The following PAX6 variants were observed in gnomAD, a reference collection of about 807,000 sequenced individuals.
The protein encoded by PAX6 is paired box protein Pax-6.
In PAX6, 7 loss-of-function variants were observed where a neutral mutation model predicts 60.7. The ratio of observed to expected loss-of-function variants is 0.12; its 90% CI spans 0.07 to 0.22. PAX6 has a LOEUF of 0.22. Among genes scored for constraint, PAX6 ranks in the 10% least tolerant of loss-of-function variants. The pLI is 1.00. For synonymous variants in PAX6, 208 were observed against 201.2 expected (o/e 1.03, Z -0.29); for missense variants, 355 against 555.2 (o/e 0.64, Z 3.62).
chr11:31,801,677 G>A lies in PAX6; in HGVS notation c.283C>T (p.Pro95Ser). ...IGGSKPRVAT[P>S]EVVSKIAQYK... is the part of the protein sequence containing the mutation. ...TGGGCTATTTTGCTTACAACTTCTG[G>A]AGTCGCTACTCTCGGTTTACTACCA... Residue 95 changes from proline to serine, a missense_variant, in exon 7 of 14, where the codon CCA (proline) becomes TCA (serine). This residue lies in a region of PAX6 where 143 missense variants were observed against 183.6 expected (regional missense o/e 0.78). Transcript: ENST00000640368. The A allele has an allele frequency of 1.2e-6, 2 of 1,614,142 alleles. No individual in the cohort carries two copies. The highest frequency in any genetic ancestry group is 1.6e-4 in the Middle Eastern group (1 of 6,062).
chr11:31,790,424 C>A, intron 13 of PAX6: 1 of 1,316,634 alleles, frequency 7.6e-7, no homozygotes, highest in Non-Finnish European at 9.7e-7. Flanking sequence ...GGGCCCCCTA[C>A]TGAGCTTCGT....
chr11:31,816,496 T>C (rs1374596228), intron 1 of PAX6: 1 of 701,776 alleles, frequency 1.4e-6, no homozygotes, highest in Non-Finnish European at 2.6e-6. Context: ...CCAATAAACA[T>C]CTCTAATGAG....
chr11:31,810,289 G>C (rs1281126567), intron 2 of PAX6: 1 of 152,264 alleles, frequency 6.6e-6, no homozygotes, highest in African/African-American at 2.4e-5. Context: ...CAAAGCCCGA[G>C]GGCCGGCGGG....
intron 2 of PAX6, chr11:31,810,108 A>T (rs1311627146): frequency 6.6e-6 from 1 of 152,152 alleles, no homozygotes; most frequent in Non-Finnish European, 1.5e-5. Context: ...CGCGCGTTCC[A>T]CCGCCTTGGC....
chr11:31,797,254 A>G (rs1024806807), intron 8 of PAX6, among the ~76,000 whole-genome samples: 3 of 152,118 alleles, frequency 2.0e-5, no homozygotes, highest in African/African-American at 4.8e-5. Context: ...GATCTCGCCA[A>G]TTAAACAAAG....
rs1451434512 is a variant in PAX6 at position 31,802,671 on chromosome 11, GGGCGGCGAGTGGGGC to G, written c.141+18_141+32del. The G allele has an allele frequency of 3.7e-6, 6 of 1,600,752 alleles. No homozygotes were observed. The East Asian group carries it at 1.1e-4, about 30-fold the overall frequency. On this transcript the variant is annotated intron_variant, in intron 5 of 13. Coordinates refer to ENST00000640368, the MANE Select transcript of PAX6 (RefSeq NM_001368894.2). Reference sequence around the variant, plus strand: ...GGGCGTTGAGAGTGGAGGGCCGCGGGGGCGGCGAGTGGGGCGGCGCCGGGAGGATCACCTGCAGAA... The same window carrying G: ...GGGCGTTGAGAGTGGAGGGCCGCGGGGGCGCCGGGAGGATCACCTGCAGAA...
upstream of PAX6, among the ~76,000 whole-genome samples, chr11:31,816,053 C>G (rs1417994952): frequency 6.6e-6 from 1 of 152,208 alleles, no homozygotes. Context: ...TGGCAGCCCT[C>G]GTTCCCGGCC....
intron 1 of PAX6, chr11:31,817,768 C>CG: frequency 6.6e-6 from 1 of 152,284 alleles, no homozygotes; most frequent in East Asian, 1.9e-4. Flanking sequence ...AGAGGCCCCG[C>CG]GGGCCCCGAG....
rs759391101 is a variant in PAX6, at chr11:31,789,912, C to CTTTTTTT, written c.*15_*21dup. ...CTGAATTAACACAATATTTCCTTTCCTTTTTTTTTTTTTTTTTTTTTTTAC... is the reference window on the plus strand; with the variant it reads ...CTGAATTAACACAATATTTCCTTTCCTTTTTTTTTTTTTTTTTTTTTTTTTTTTTTAC... On this transcript the variant is annotated 3_prime_UTR_variant, in exon 14 of 14. Coordinates refer to ENST00000640368, the MANE Select transcript of PAX6 (RefSeq NM_001368894.2). 3.6e-4 allele frequency: 376 copies of CTTTTTTT among 1,046,004 alleles called. 1 individual carries two copies. Among genetic ancestry groups the CTTTTTTT allele is most frequent in the East Asian group, 1.3e-3 (49 of 38,784 alleles). 64.8% of individuals were successfully genotyped at this position (1,046,004 alleles called of 1,614,324 possible).
intron 7 of PAX6, 92 bp downstream of exon 7, chr11:31,801,469 T>G: frequency 6.2e-7 from 1 of 1,601,840 alleles, no homozygotes; most frequent in Non-Finnish European, 8.5e-7. Context: ...GGACACAGAC[T>G]AAGAGACAGT....
chr11:31,806,195 T>A, intron 4 of PAX6: 1 of 535,494 alleles, frequency 1.9e-6, no homozygotes. Context: ...GCCCAGCCCC[T>A]GCTTCTCCAG....
At position 31,794,420 on chromosome 11, in the gene PAX6, C is replaced by CCA. The variant is rs10525266; in HGVS notation, c.724+208_724+209dup. 1.1e-3 allele frequency: 571 copies of CCA among 518,336 alleles called. 1 individual carries two copies. Among genetic ancestry groups the CCA allele is most frequent in the Admixed American group, 1.9e-3 (58 of 31,044 alleles). 32.1% of individuals were successfully genotyped at this position (518,336 alleles called of 1,614,324 possible). A position where few individuals can be genotyped will look rare whatever the true frequency, so the allele number is the denominator to read the frequency against. On this transcript the variant is annotated intron_variant, in intron 9 of 13. Coordinates refer to ENST00000640368, the MANE Select transcript of PAX6 (RefSeq NM_001368894.2). ...AAAAGAAGAAACACACACACACACA[C>CCA]CACACACACACACACACACACACAC... is the stretch of plus-strand genomic sequence containing the variant.
At chr11:31,803,105 C>A in intron 4 of PAX6, 1 of 407,814 alleles carries the variant, frequency 2.5e-6, no homozygotes, top group Non-Finnish European at 4.2e-6. Context: ...TCGGGCAGCC[C>A]AGTCCAAGCA....
intron 4 of PAX6, chr11:31,803,143 C>T: frequency 2.3e-6 from 1 of 441,070 alleles, no homozygotes; most frequent in Non-Finnish European, 4.2e-6. Context: ...TGTACTGCAG[C>T]AGCAACACAG....
chr11:31,811,124 T>C lies in PAX6; in HGVS notation c.-326A>G, dbSNP rs1235526858. On this transcript the variant is annotated 5_prime_UTR_variant, in exon 1 of 14. Transcript: ENST00000640368. ...GCTGCAGCCAGCACACCTATGCTGA[T>C]TGGTGATGGCTCAAGTGTGTTAATG... 5 of 399,010 alleles carry C rather than the reference T, an allele frequency of 1.3e-5. No individual in the cohort carries two copies. The highest frequency in any genetic ancestry group is 6.2e-4 in the Middle Eastern group (1 of 1,614). The allele number at this position is 399,010 out of a possible 1,614,324, so 24.7% of individuals were successfully genotyped here.
rs1194094644 is a variant in PAX6, at chr11:31,811,266, G to C, written c.-468C>G. On this transcript the variant is annotated 5_prime_UTR_variant, in exon 1 of 14. Transcript: ENST00000640368. The stretch of plus-strand genomic sequence containing the variant: ...TCCTCCTGCGCCTGAACCAGAGCGG[G>C]AAATGAGGCCGAGCCACGGTTCCCT... 2.5e-6 allele frequency: 1 copy of C among 399,006 alleles called. No homozygotes were observed. The highest frequency in any genetic ancestry group is 4.4e-6 in the Non-Finnish European group (1 of 226,172). The allele number at this position is 399,006 out of a possible 1,614,324, so 24.7% of individuals were successfully genotyped here. A position where few individuals can be genotyped will look rare whatever the true frequency, so the allele number is the denominator to read the frequency against.
intron 11 of PAX6, 35 bp from the exon 12 acceptor site, chr11:31,793,588 G>A: frequency 6.2e-7 from 1 of 1,613,202 alleles, no homozygotes; most frequent in East Asian, 2.2e-5. Flanking sequence ...GTCAGAGTGA[G>A]AGTCAGAGCC....
intron 8 of PAX6, among the ~76,000 whole-genome samples, chr11:31,798,360 T>C (rs1252812482): frequency 6.6e-6 from 1 of 152,146 alleles, no homozygotes; most frequent in Admixed American, 6.5e-5. Context: ...GTTGATCAGA[T>C]GGAAACCATA....
At chr11:31,809,401 G>T (rs535033089) in intron 2 of PAX6, 8 of 152,196 alleles carry the variant, frequency 5.3e-5, no homozygotes, top group Non-Finnish European at 1.2e-4. Flanking sequence ...GGCTTAGGGA[G>T]CTTGGGAGAG....
Sources: allele counts gnomAD v4.1 joint callset (sites outside exome capture counted in the v4.1 genomes callset), GRCh38; gene constraint gnomAD v4.1.1; regional missense constraint gnomAD v4.1.1; transcripts MANE v1.5; gene names NCBI Gene and HGNC (gene_info 2026-07-23, HGNC 2026-07-21).